GSE1: variants seen among roughly 807,000 people sequenced by gnomAD.
The protein encoded by GSE1 is Gse1 coiled-coil protein, also known as genetic suppressor element 1.
A neutral mutation model predicts 112.6 loss-of-function variants in GSE1; 32 were observed. The observed-to-expected ratio is 0.28, with a 90% CI of 0.21 to 0.38. The LOEUF (loss-of-function observed/expected upper bound fraction) is 0.38, where lower values mean the gene tolerates loss of function less well. Ranked by LOEUF, GSE1 falls within the 10% of genes least tolerant of loss-of-function variation. The pLI, the probability that GSE1 is intolerant of heterozygous loss-of-function variation, is 1.00. For missense variants in GSE1, 2,348 were observed against 1,699.2 expected (o/e 1.38, Z -6.71); for synonymous variants, 1,115 against 735.6 (o/e 1.52, Z -8.35).
intron 2 of GSE1, among the ~76,000 whole-genome samples, chr16:85,446,421 C>T (rs146618138): frequency 6.6e-6 from 1 of 152,186 alleles, no homozygotes; most frequent in Non-Finnish European, 1.5e-5. Context: ...GCTGTAAGCT[C>T]TTGGACCAAC....
At chr16:85,652,712 A>AG (rs2051475842) in intron 3 of GSE1, among the ~76,000 whole-genome samples, 2 of 152,110 alleles carry the variant, frequency 1.3e-5, no homozygotes, top group African/African-American at 4.8e-5. Flanking sequence ...GGGCCCAGGA[A>AG]GAGGGGCTGG....
rs1249133500 is a variant in GSE1, at chr16:85,663,407, C to G, written c.2437C>G (p.Gln813Glu). 1.4e-5 allele frequency: 22 copies of G among 1,613,904 alleles called. No homozygotes were observed. The highest frequency in any genetic ancestry group is 1.9e-5 in the Non-Finnish European group (22 of 1,180,024). The change falls in exon 11 of 16, where the codon CAG becomes GAG. Residue 813 changes from glutamine (Q) to glutamate (E), a missense_variant. Physicochemically the swap from Gln to Glu is conservative, Grantham distance 29. Transcript: ENST00000253458. ...ACAGCAGAAGGAGGAATTGGTGGCC[C>G]AGAAGCGGAGGAAGCGGCGGAGGAT... ...TQQQKEELVA[Q>E]KRRKRRRMLR...
In GSE1 at chr16:85,239,622, A is replaced by G. The variant is rs1047834352; in HGVS notation, c.2283+67815A>G. On this transcript the variant is annotated intron_variant, in intron 1 of 2. Coordinates refer to the GSE1 transcript ENST00000637419. The stretch of plus-strand genomic sequence containing the variant: ...CTGGGCTGCAGGAGATGAGGCTGGG[A>G]GAGGTGAGAGCTGGAGAGCCAGGGC... Among the ~76,000 whole-genome samples, 3 of 152,112 alleles carry G rather than the reference A, an allele frequency of 2.0e-5. No individual in the cohort carries two copies. In the South Asian group the frequency reaches 6.2e-4, roughly 32 times the overall value.
chr16:85,211,770 G>C (rs1235631546), intron 1 of GSE1, among the ~76,000 whole-genome samples: 2 of 152,360 alleles, frequency 1.3e-5, no homozygotes, highest in East Asian at 1.9e-4. Flanking sequence ...TGCCTGCCCA[G>C]TGCCACTCCG....
At chr16:85,528,367 G>C (rs1371251537) in intron 2 of GSE1, among the ~76,000 whole-genome samples, 1 of 152,136 alleles carries the variant, frequency 6.6e-6, no homozygotes, top group African/African-American at 2.4e-5. Flanking sequence ...CTGTCACCCA[G>C]CTGGTACAAC....
chr16:85,414,418 C>T (rs1360983816), intron 2 of GSE1, among the ~76,000 whole-genome samples: 1 of 152,126 alleles, frequency 6.6e-6, no homozygotes, highest in Non-Finnish European at 1.5e-5. Context: ...CAGCGCACAC[C>T]CTTTCTCCAC....
chr16:85,198,532 G>C (rs917675942), intron 1 of GSE1, among the ~76,000 whole-genome samples: 2 of 151,888 alleles, frequency 1.3e-5, no homozygotes, highest in Non-Finnish European at 2.9e-5. Flanking sequence ...ATCCAGTGGT[G>C]ATGTGCTGGG....
In GSE1 at chr16:85,673,701, C is replaced by G. The variant is rs1234284444; in HGVS notation, c.*1162C>G. 2 of 152,256 alleles carry G rather than the reference C, an allele frequency of 1.3e-5. No individual in the cohort carries two copies. Among genetic ancestry groups the G allele is most frequent in the Non-Finnish European group, 2.9e-5 (2 of 68,068 alleles). The allele number at this position is 152,256 out of a possible 1,614,324, so 9.4% of individuals were successfully genotyped here. A position where few individuals can be genotyped will look rare whatever the true frequency, so the allele number is the denominator to read the frequency against. On this transcript the variant is annotated 3_prime_UTR_variant, in exon 16 of 16. Coordinates refer to ENST00000253458, the MANE Select transcript of GSE1 (RefSeq NM_014615.5). ...CACTCCCCCTGCCTGCCCCCAGCAT[C>G]TGGACAAGCTAATAGCAAATATTAC...
intron 8 of GSE1, 111 bp downstream of exon 8, chr16:85,657,715 C>T: frequency 1.4e-6 from 1 of 691,606 alleles, no homozygotes; most frequent in Non-Finnish European, 2.3e-6. Flanking sequence ...TTTCTGCCTG[C>T]CTCTTTCATT....
upstream of GSE1, among the ~76,000 whole-genome samples, chr16:85,552,270 C>A (rs1233069984): frequency 1.3e-5 from 2 of 149,546 alleles, no homozygotes; most frequent in Non-Finnish European, 3.0e-5. Flanking sequence ...CGTGATCCGT[C>A]CGCCTCGGCC....
At position 85,378,262 on chromosome 16, in the gene GSE1, C is replaced by T. The variant is rs554383997; in HGVS notation, c.2464+20619C>T. On this transcript the variant is annotated intron_variant, in intron 2 of 2. Transcript: ENST00000637419. Reference sequence around the variant, plus strand: ...GGGACTCTGTGATGTTCAGGTTCCGCCAGCCCCTCCCTCAGCTGGGTCGGT... The same window carrying T: ...GGGACTCTGTGATGTTCAGGTTCCGTCAGCCCCTCCCTCAGCTGGGTCGGT... Among the ~76,000 whole-genome samples the T allele has an allele frequency of 3.9e-5, 6 of 152,308 alleles. No individual in the cohort carries two copies. In the East Asian group the frequency reaches 1.2e-3, roughly 29 times the overall value.
At chr16:85,633,504 G>T (rs962731963) in intron 1 of GSE1, among the ~76,000 whole-genome samples, 1 of 152,196 alleles carries the variant, frequency 6.6e-6, no homozygotes, top group Non-Finnish European at 1.5e-5. Context: ...CTCCACCAGC[G>T]TGTTTCTATC....
intron 2 of GSE1, among the ~76,000 whole-genome samples, chr16:85,416,271 G>A (rs1366620846): frequency 2.6e-5 from 4 of 152,200 alleles, no homozygotes; most frequent in South Asian, 2.1e-4. Flanking sequence ...CTTGGAACCC[G>A]GCTCGCCAGC....
upstream of GSE1, among the ~76,000 whole-genome samples, chr16:85,610,950 T>C (rs147903994): frequency 1.8e-3 from 279 of 152,298 alleles, 3 homozygotes; most frequent in African/African-American, 6.2e-3. Context: ...CAGTGGCCAC[T>C]CCACACGTTT....
chr16:85,616,046 T>C (rs1272192943), intron 1 of GSE1, among the ~76,000 whole-genome samples: 1 of 152,146 alleles, frequency 6.6e-6, no homozygotes, highest in Non-Finnish European at 1.5e-5. Context: ...CTGAGTGCCT[T>C]GTGGTTTCAG....
intron 1 of GSE1, among the ~76,000 whole-genome samples, chr16:85,314,749 T>C (rs1201530974): frequency 6.6e-6 from 1 of 152,140 alleles, no homozygotes; most frequent in Non-Finnish European, 1.5e-5. Flanking sequence ...AGGCTTGTTT[T>C]CTCCTGCTGT....
chr16:85,553,674 C>A (rs1333917466), upstream of GSE1, among the ~76,000 whole-genome samples: 1 of 152,050 alleles, frequency 6.6e-6, no homozygotes, highest in Non-Finnish European at 1.5e-5. Flanking sequence ...AGAGCGCCAC[C>A]CCTCCCTTGG....
chr16:85,470,634 G>T (rs1022128141), intron 2 of GSE1, among the ~76,000 whole-genome samples: 1 of 152,192 alleles, frequency 6.6e-6, no homozygotes, highest in Admixed American at 6.5e-5. Context: ...TGGGAGGGTT[G>T]TATGGGTGCC....
chr16:85,266,071 C>G (rs1371749966), intron 1 of GSE1, among the ~76,000 whole-genome samples: 1 of 152,186 alleles, frequency 6.6e-6, no homozygotes, highest in Admixed American at 6.5e-5. Flanking sequence ...AAGGGAATCG[C>G]TCATGCTGTC....
Sources: gnomAD v4.1 joint callset for allele counts (sites outside exome capture counted in the v4.1 genomes callset) on GRCh38, gnomAD v4.1.1 for gene constraint, MANE v1.5 for transcripts, NCBI Gene and HGNC (gene_info 2026-07-23, HGNC 2026-07-21) for gene names.